HDGFL3: variants seen among roughly 807,000 people sequenced by gnomAD.
HDGFL3 encodes the protein HDGF like 3.
In HDGFL3, 6 loss-of-function variants were observed where a neutral mutation model predicts 27.6. The observed-to-expected ratio is 0.22, with a 90% confidence interval of 0.12 to 0.43. The LOEUF is 0.43. Among genes scored for constraint, HDGFL3 ranks in the 20% least tolerant of loss-of-function variants. The pLI is 1.00. For missense variants in HDGFL3, 207 were observed against 250.1 expected (o/e 0.83, Z 1.16); for synonymous variants, 88 against 88.9 (o/e 0.99, Z 0.05).
chr15:83,187,000 A>G (rs1309880968), intron 1 of HDGFL3, among the ~76,000 whole-genome samples: 1 of 152,208 alleles, frequency 6.6e-6, no homozygotes, highest in Non-Finnish European at 1.5e-5. Context: ...GAGAAAAAAA[A>G]TGGTGATGAA....
At chr15:83,156,873 A>T (rs1221501364) in intron 4 of HDGFL3, among the ~76,000 whole-genome samples, 1 of 151,860 alleles carries the variant, frequency 6.6e-6, no homozygotes, top group African/African-American at 2.4e-5. Flanking sequence ...TTGCTTTTAC[A>T]TTGTTAGTAG....
intron 3 of HDGFL3, among the ~76,000 whole-genome samples, chr15:83,118,596 G>C (rs1490324525): frequency 1.3e-5 from 2 of 152,186 alleles, no homozygotes; most frequent in African/African-American, 4.8e-5. Flanking sequence ...AGAGATGACA[G>C]AGCAGTCCTT....
intron 1 of HDGFL3, among the ~76,000 whole-genome samples, chr15:83,204,293 T>C (rs2037688962): frequency 6.6e-6 from 1 of 152,022 alleles, no homozygotes; most frequent in African/African-American, 2.4e-5. Context: ...CACCGAATGG[T>C]ACAGTTAAGG....
chr15:83,121,461 G>A (rs2035237224), intron 3 of HDGFL3, among the ~76,000 whole-genome samples: 1 of 152,168 alleles, frequency 6.6e-6, no homozygotes, highest in Non-Finnish European at 1.5e-5. Context: ...CATGTCACTT[G>A]TCTTCACCTT....
chr15:83,192,797 A>G (rs1036764563), intron 1 of HDGFL3, among the ~76,000 whole-genome samples: 2 of 152,218 alleles, frequency 1.3e-5, no homozygotes, highest in South Asian at 2.1e-4. Context: ...TGACCACCCT[A>G]TATGTACAAC....
intron 3 of HDGFL3, chr15:83,120,156 A>G (rs935023219): frequency 1.5e-4 from 26 of 169,046 alleles, no homozygotes; most frequent in African/African-American, 6.0e-4. Context: ...GTGGATGTGT[A>G]TGTACAAGGG....
intron 3 of HDGFL3, among the ~76,000 whole-genome samples, chr15:83,117,708 C>T (rs1567138246): frequency 1.3e-5 from 2 of 151,872 alleles, no homozygotes. Context: ...GCTCTGGGGA[C>T]CCAGCTGTGA....
rs971231442 is a variant in HDGFL3, at chr15:83,207,207, C to T, written c.84+124G>A. On this transcript the variant is annotated intron_variant, in intron 1 of 5. Transcript: ENST00000299633. The surrounding 1 kb of genome is among the most constrained non-coding windows in gnomAD (Gnocchi z 4.8). ...CTTCTTCGTGCCGCGCCGCCCTCAG[C>T]CCTCACCACAGCCGGCCGCGAGCTG... 5.1e-6 allele frequency: 3 copies of T among 592,276 alleles called. No individual in the cohort carries two copies. Among genetic ancestry groups the T allele is most frequent in the Admixed American group, 4.4e-5 (1 of 22,664 alleles). 36.7% of individuals were successfully genotyped at this position (592,276 alleles called of 1,614,324 possible).
rs527808927 is a variant in HDGFL3, at chr15:83,132,113, A to C, written c.*7157T>G. On this transcript the variant is annotated 3_prime_UTR_variant, in exon 6 of 6. Coordinates refer to ENST00000299633, the MANE Select transcript of HDGFL3 (RefSeq NM_016073.4). Reference sequence around the variant, plus strand: ...TCTTCTGTAAAGTGAGGATAATAACAGTAGCTTTCTCATGGAATTGCTGTT... The same window carrying C: ...TCTTCTGTAAAGTGAGGATAATAACCGTAGCTTTCTCATGGAATTGCTGTT... 6.6e-6 allele frequency: 1 copy of C among 152,348 alleles called. No homozygotes were observed. The highest frequency in any genetic ancestry group is 1.9e-4 in the East Asian group (1 of 5,188). The allele number at this position is 152,348 out of a possible 1,614,324, so 9.4% of individuals were successfully genotyped here.
chr15:83,148,945 G>T (rs1379378923), intron 5 of HDGFL3, among the ~76,000 whole-genome samples: 1 of 152,150 alleles, frequency 6.6e-6, no homozygotes, highest in Non-Finnish European at 1.5e-5. Context: ...TAGGAAGAGG[G>T]ACTGGAAAGA....
At chr15:83,171,653 A>G (rs1374188338) in intron 1 of HDGFL3, among the ~76,000 whole-genome samples, 1 of 151,820 alleles carries the variant, frequency 6.6e-6, no homozygotes, top group East Asian at 1.9e-4. Flanking sequence ...AAAACAAAAT[A>G]CCGCATGTTC....
chr15:83,138,935 G>A lies in HDGFL3; in HGVS notation c.*335C>T, dbSNP rs776251136. 12 of 194,058 alleles carry A rather than the reference G, an allele frequency of 6.2e-5. No individual in the cohort carries two copies. Among genetic ancestry groups the A allele is most frequent in the African/African-American group, 2.3e-4 (10 of 43,384 alleles). The allele number at this position is 194,058 out of a possible 1,614,324, so 12.0% of individuals were successfully genotyped here. ...TTAACTGAGTGTTTGATGATGGTGG[G>A]GTCAAGGCAGGAAAACGATGATCAT... On this transcript the variant is annotated 3_prime_UTR_variant, in exon 6 of 6. Coordinates refer to ENST00000299633, the MANE Select transcript of HDGFL3 (RefSeq NM_016073.4).
intron 2 of HDGFL3, among the ~76,000 whole-genome samples, chr15:83,162,253 C>G (rs2037111277): frequency 6.6e-6 from 1 of 152,090 alleles, no homozygotes; most frequent in South Asian, 2.1e-4. Context: ...CTTGCCAGGG[C>G]AAGTATAATC....
At chr15:83,168,936 A>C (rs1567171578) in intron 1 of HDGFL3, among the ~76,000 whole-genome samples, 1 of 152,106 alleles carries the variant, frequency 6.6e-6, no homozygotes, top group Non-Finnish European at 1.5e-5. Flanking sequence ...ATGATCAAGC[A>C]GGTTTCATTT....
chr15:83,126,621 T>TG (rs1439163775), downstream of HDGFL3: 1 of 643,992 alleles, frequency 1.6e-6, no homozygotes, highest in Non-Finnish European at 2.7e-6. Flanking sequence ...CCATCATTGA[T>TG]GAGCCTCTAC....
At position 83,207,307 on chromosome 15, in the gene HDGFL3, C is replaced by T; in HGVS notation, c.84+24G>A. On this transcript the variant is annotated intron_variant, in intron 1 of 5. Transcript: ENST00000299633. The surrounding 1 kb of genome is among the most constrained non-coding windows in gnomAD (Gnocchi z 4.8). ...AAGGGGAAAATGGTGGGCGGGCGGGCCCGCGCGCGGCCGCGGTACTCACCC... is the reference window on the plus strand; with the variant it reads ...AAGGGGAAAATGGTGGGCGGGCGGGTCCGCGCGCGGCCGCGGTACTCACCC... The T allele has an allele frequency of 7.5e-7, 1 of 1,332,948 alleles. No homozygotes were observed. Among genetic ancestry groups the T allele is most frequent in the Non-Finnish European group, 9.7e-7 (1 of 1,034,760 alleles). The allele number at this position is 1,332,948 out of a possible 1,614,324, so 82.6% of individuals were successfully genotyped here. A position where few individuals can be genotyped will look rare whatever the true frequency, so the allele number is the denominator to read the frequency against.
chr15:83,116,370 T>G (rs551206454), intron 3 of HDGFL3, among the ~76,000 whole-genome samples: 1 of 152,234 alleles, frequency 6.6e-6, no homozygotes, highest in Non-Finnish European at 1.5e-5. Context: ...CTCTCCACCA[T>G]GCTGCCCAAA....
In HDGFL3 at chr15:83,164,422, G is replaced by A. The variant is rs985437572; in HGVS notation, c.85-347C>T. Among the ~76,000 whole-genome samples the A allele has an allele frequency of 2.9e-5, 4 of 138,818 alleles. 1 individual carries two copies. 91.1% of individuals were successfully genotyped at this position (138,818 alleles called of 152,430 possible). A position where few individuals can be genotyped will look rare whatever the true frequency, so the allele number is the denominator to read the frequency against. On this transcript the variant is annotated intron_variant, in intron 1 of 5. Transcript: ENST00000299633. The stretch of plus-strand genomic sequence containing the variant: ...ATACAAAAAGATGTACTTCTTTTGA[G>A]TAACAGTGAATACATATACATCCCT...
At chr15:83,124,871 G>A, downstream of HDGFL3, 1 of 1,085,632 alleles carries the variant, frequency 9.2e-7, no homozygotes. Context: ...TTTTCCATCA[G>A]ACTTCTTAGC....
Sources: gnomAD v4.1 joint callset for allele counts (sites outside exome capture counted in the v4.1 genomes callset) on GRCh38, gnomAD v4.1.1 for gene constraint, Gnocchi (gnomAD v3.1) non-coding constraint, MANE v1.5 for transcripts, NCBI Gene and HGNC (gene_info 2026-07-23, HGNC 2026-07-21) for gene names.